The following ANK3 variants were observed in gnomAD, a reference collection of about 807,000 sequenced individuals.
ANK3 encodes ankyrin-3.
In ANK3, 57 loss-of-function variants were observed where a neutral mutation model predicts 370.9. The observed-to-expected ratio is 0.15, with a 90% CI of 0.12 to 0.19. The LOEUF is 0.19. ANK3 is among the 10% of genes least tolerant of loss of function. ANK3 has a pLI of 1.00. For synonymous variants in ANK3, 1,929 were observed against 1,946.3 expected (o/e 0.99, Z 0.23); for missense variants, 4,439 against 5,302.1 (o/e 0.84, Z 5.06).
intron 7 of ANK3, among the ~76,000 whole-genome samples, chr10:60,246,286 A>AAAAAAAAAG (rs1565961708): frequency 1.6e-5 from 2 of 123,458 alleles, no homozygotes; most frequent in Admixed American, 9.8e-5. Context: ...AAAAAAGAAA[A>AAAAAAAAAG]AAGAAAAAAA....
intron 1 of ANK3, among the ~76,000 whole-genome samples, chr10:60,369,510 C>T (rs1430326014): frequency 2.0e-5 from 3 of 152,096 alleles, no homozygotes; most frequent in Admixed American, 2.0e-4. Context: ...TCTAAGAAGG[C>T]CTCTTGCCTT....
intron 5 of ANK3, among the ~76,000 whole-genome samples, chr10:60,268,543 A>C (rs906702551): frequency 6.6e-6 from 1 of 152,102 alleles, no homozygotes; most frequent in Admixed American, 6.6e-5. Flanking sequence ...GTAAATTTAG[A>C]TTCTGATTTT....
At chr10:60,067,439 G>C (rs1323195990) in intron 38 of ANK3, among the ~76,000 whole-genome samples, 1 of 152,030 alleles carries the variant, frequency 6.6e-6, no homozygotes, top group Non-Finnish European at 1.5e-5. Context: ...AATAAACATA[G>C]AGTTTTATGT....
At chr10:60,353,906 G>T (rs79603065) in intron 1 of ANK3, among the ~76,000 whole-genome samples, 1 of 152,154 alleles carries the variant, frequency 6.6e-6, no homozygotes, top group African/African-American at 2.4e-5. Flanking sequence ...GGCCAGCAGA[G>T]CTACGTGCAT....
intron 1 of ANK3, among the ~76,000 whole-genome samples, chr10:60,377,099 A>C (rs1348669542): frequency 6.6e-6 from 1 of 152,214 alleles, no homozygotes; most frequent in East Asian, 1.9e-4. Flanking sequence ...TGACAGAGCT[A>C]AGTAAATATA....
intron 2 of ANK3, among the ~76,000 whole-genome samples, chr10:60,524,290 A>G (rs375093052): frequency 6.6e-6 from 1 of 152,086 alleles, no homozygotes; most frequent in African/African-American, 2.4e-5. Flanking sequence ...TTAAGCAGCA[A>G]CCTGGAACCT....
chr10:60,547,088 T>TC (rs1483610410), intron 2 of ANK3, among the ~76,000 whole-genome samples: 1 of 80,562 alleles, frequency 1.2e-5, no homozygotes, highest in African/African-American at 3.4e-5. Flanking sequence ...TCAATGCAAC[T>TC]CTTTTTTTTT....
At chr10:60,149,530 T>C (rs768377402) in intron 23 of ANK3, among the ~76,000 whole-genome samples, 1 of 152,244 alleles carries the variant, frequency 6.6e-6, no homozygotes, top group Non-Finnish European at 1.5e-5. Flanking sequence ...CCTTGGCGTC[T>C]GTTAAATATT....
intron 1 of ANK3, among the ~76,000 whole-genome samples, chr10:60,331,139 G>A (rs988313479): frequency 5.3e-5 from 8 of 152,050 alleles, no homozygotes; most frequent in Non-Finnish European, 1.0e-4. Flanking sequence ...ATGGGGAGGG[G>A]GAGCATTAGG....
At chr10:60,185,758 G>A (rs2096307992) in intron 17 of ANK3, among the ~76,000 whole-genome samples, 2 of 152,100 alleles carry the variant, frequency 1.3e-5, no homozygotes, top group South Asian at 4.1e-4. Flanking sequence ...CCTGTCTTGT[G>A]TTTTGGGTCA....
intron 8 of ANK3, among the ~76,000 whole-genome samples, chr10:60,215,278 A>C (rs1175740926): frequency 6.6e-6 from 1 of 152,124 alleles, no homozygotes; most frequent in Non-Finnish European, 1.5e-5. Context: ...AAATGGGTAG[A>C]CTGCAAAAAT....
At chr10:60,280,227 T>C (rs2098141320) in intron 1 of ANK3, among the ~76,000 whole-genome samples, 1 of 152,092 alleles carries the variant, frequency 6.6e-6, no homozygotes. Context: ...CATGCCAGGC[T>C]ACTTTTTTAT....
chr10:60,531,495 T>C (rs2076605458), intron 2 of ANK3, among the ~76,000 whole-genome samples: 1 of 152,124 alleles, frequency 6.6e-6, no homozygotes, highest in South Asian at 2.1e-4. Context: ...GAAAATTTAC[T>C]CTATGTCTGT....
intron 1 of ANK3, among the ~76,000 whole-genome samples, chr10:60,348,949 G>A (rs1206210820): frequency 1.3e-5 from 2 of 152,130 alleles, no homozygotes; most frequent in African/African-American, 4.8e-5. Flanking sequence ...GGATGCTAAA[G>A]CAATGTGTAC....
chr10:60,319,874 T>C (rs921988013), intron 1 of ANK3, among the ~76,000 whole-genome samples: 1 of 152,138 alleles, frequency 6.6e-6, no homozygotes, highest in Non-Finnish European at 1.5e-5. Flanking sequence ...AATACTGTTA[T>C]CTCTTTCCCT....
chr10:60,359,911 T>C (rs918486393), intron 1 of ANK3, among the ~76,000 whole-genome samples: 1 of 152,234 alleles, frequency 6.6e-6, no homozygotes, highest in African/African-American at 2.4e-5. Flanking sequence ...ACCATTATAC[T>C]AAGTAATCAA....
At chr10:60,137,054 C>G (rs1413720069) in intron 24 of ANK3, among the ~76,000 whole-genome samples, 1 of 152,014 alleles carries the variant, frequency 6.6e-6, no homozygotes, top group East Asian at 1.9e-4. Flanking sequence ...TTTCTGCAAA[C>G]CCAGTGAAAT....
At chr10:60,717,461 C>A (rs902479976) in intron 1 of ANK3, among the ~76,000 whole-genome samples, 2 of 152,034 alleles carry the variant, frequency 1.3e-5, no homozygotes, top group Admixed American at 6.6e-5. Context: ...TCCAGTGTGC[C>A]ATGTTATTAA....
chr10:60,426,230 T>C (rs2063884203), intron 2 of ANK3, among the ~76,000 whole-genome samples: 1 of 152,084 alleles, frequency 6.6e-6, no homozygotes, highest in African/African-American at 2.4e-5. Context: ...TTCTGTTGTA[T>C]GGTTGATGCC....
Sources: gnomAD v4.1 joint callset for allele counts (sites outside exome capture counted in the v4.1 genomes callset) on GRCh38, gnomAD v4.1.1 for gene constraint, MANE v1.5 for transcripts, NCBI Gene and HGNC (gene_info 2026-07-23, HGNC 2026-07-21) for gene names.